PUM3: variants seen among roughly 807,000 people sequenced by gnomAD.
The protein encoded by PUM3 is pumilio homolog 3.
Under a neutral mutation model 84.0 loss-of-function variants are expected in PUM3, and 91 were observed. That is an observed-to-expected ratio of 1.08 (90% CI 0.91 to 1.29). PUM3 has a LOEUF of 1.29. PUM3 is among the 50% of genes most tolerant of loss of function. The probability of loss-of-function intolerance (pLI) is 0.00; values close to 1 mark genes in which losing one functional copy is unlikely to be tolerated. For synonymous variants in PUM3, 321 were observed against 266.7 expected (o/e 1.20, Z -1.98); for missense variants, 1,067 against 767.5 (o/e 1.39, Z -4.61).
chr9:2,815,879 C>T (rs563751605), intron 13 of PUM3, among the ~76,000 whole-genome samples: 101 of 152,298 alleles, frequency 6.6e-4, no homozygotes, highest in African/African-American at 2.3e-3. Context: ...CTAAAGTAGG[C>T]ATGTAAACAA....
chr9:2,808,068 T>C (rs1170457324), intron 16 of PUM3, 164 bp from the exon 17 acceptor site: 5 of 567,376 alleles, frequency 8.8e-6, no homozygotes, highest in Non-Finnish European at 1.6e-5. Context: ...AGTGCAGGTT[T>C]ATCTAATGCA....
chr9:2,816,652 C>T (rs1346755210), intron 13 of PUM3, among the ~76,000 whole-genome samples: 2 of 152,214 alleles, frequency 1.3e-5, no homozygotes, highest in African/African-American at 2.4e-5. Context: ...GTCCCTCCCA[C>T]ATCTCCTTGT....
chr9:2,838,189 C>G (rs1006889998), intron 2 of PUM3, among the ~76,000 whole-genome samples: 5 of 152,144 alleles, frequency 3.3e-5, no homozygotes, highest in Admixed American at 1.3e-4. Context: ...AATGAGGCAA[C>G]AGCAGCAACA....
rs529894471 is a variant in PUM3, at chr9:2,841,490, C to T, written c.-11+2555G>A. Among the ~76,000 whole-genome samples the T allele has an allele frequency of 4.6e-5, 7 of 152,256 alleles. No homozygotes were observed. In the East Asian group the frequency reaches 1.2e-3, roughly 25 times the overall value. On this transcript the variant is annotated intron_variant, in intron 1 of 17. Coordinates refer to ENST00000397885, the MANE Select transcript of PUM3 (RefSeq NM_014878.5). Reference sequence around the variant, plus strand: ...GGCTGAGGCAGGAAAATCACCTGAACCCAGGAGGCAGAGGCTGCAGCGAGC... The same window carrying T: ...GGCTGAGGCAGGAAAATCACCTGAATCCAGGAGGCAGAGGCTGCAGCGAGC...
Position 2,833,359 on chromosome 9 carries a change from T to C in PUM3, c.514A>G (p.Thr172Ala), listed in dbSNP as rs761432772. ...AACAATGAGTATATGCTACTTACAG[T>C]TTTAATTTTCCCTTGAATCAACTTC... ...LQKLIQGKIK[T>A]IAFAHDSTRV... Residue 172 changes from threonine to alanine, a missense_variant and splice_region_variant, in exon 5 of 18, where the codon ACT (threonine) becomes GCT (alanine). Coordinates refer to ENST00000397885, the MANE Select transcript of PUM3 (RefSeq NM_014878.5). 1 of 1,564,838 alleles carries C rather than the reference T, an allele frequency of 6.4e-7. No individual in the cohort carries two copies.
chr9:2,820,021 T>A lies in PUM3; in HGVS notation c.1266A>T (p.Ile422=), dbSNP rs1821554884. The A allele has an allele frequency of 1.9e-6, 3 of 1,600,674 alleles. No individual in the cohort carries two copies. Among genetic ancestry groups the A allele is most frequent in the Non-Finnish European group, 2.6e-6 (3 of 1,168,562 alleles). The change falls in exon 13 of 18, where the codon ATA becomes ATT. Residue 422 remains isoleucine (I), a synonymous_variant. Transcript: ENST00000397885. ...CAAGACCATCAGGATTACTTACTGATATGATTATCTGCTTCACAAGCTTAG... is the reference window on the plus strand; with the variant it reads ...CAAGACCATCAGGATTACTTACTGAAATGATTATCTGCTTCACAAGCTTAG... ...DDTKLVKQII[I]SEIISSLPSI...
At chr9:2,837,116 C>T in intron 3 of PUM3, 64 bp downstream of exon 3, 1 of 1,386,280 alleles carries the variant, frequency 7.2e-7, no homozygotes, top group Non-Finnish European at 1.0e-6. Context: ...TTCTAACGCA[C>T]CTCCAGAGTC....
chr9:2,839,112 T>C (rs1036143763), intron 1 of PUM3, among the ~76,000 whole-genome samples: 3 of 152,182 alleles, frequency 2.0e-5, no homozygotes, highest in South Asian at 2.1e-4. Context: ...GATGTTGAAA[T>C]AGTTAATATT....
intron 13 of PUM3, among the ~76,000 whole-genome samples, chr9:2,815,334 G>C (rs1038700041): frequency 6.6e-6 from 1 of 152,074 alleles, no homozygotes; most frequent in East Asian, 1.9e-4. Context: ...ATACACCTTT[G>C]AAAGAGTACT....
At chr9:2,804,572 C>G in intron 17 of PUM3, 109 bp from the exon 18 acceptor site, 2 of 947,340 alleles carry the variant, frequency 2.1e-6, no homozygotes, top group Non-Finnish European at 1.5e-6. Flanking sequence ...AGCCTTGTAA[C>G]TATATACACA....
At chr9:2,825,779 C>T (rs565341402) in intron 10 of PUM3, among the ~76,000 whole-genome samples, 22 of 152,090 alleles carry the variant, frequency 1.4e-4, no homozygotes, top group African/African-American at 5.1e-4. Context: ...CGTGCCTGGC[C>T]CTATATTTTC....
At chr9:2,838,395 G>A in intron 2 of PUM3, 31 bp downstream of exon 2, 1 of 1,482,116 alleles carries the variant, frequency 6.7e-7, no homozygotes, top group Non-Finnish European at 9.4e-7. Context: ...AATTATAACA[G>A]CCAAACACCC....
At chr9:2,816,695 C>G (rs138997963) in intron 13 of PUM3, among the ~76,000 whole-genome samples, 3 of 152,196 alleles carry the variant, frequency 2.0e-5, no homozygotes, top group African/African-American at 7.2e-5. Flanking sequence ...ATTTACCTAT[C>G]TGGTCAATGA....
rs552658761 is a variant in PUM3 at position 2,804,990 on chromosome 9, C to T, written c.1815-527G>A. Among the ~76,000 whole-genome samples, 56 of 152,270 alleles carry T rather than the reference C, an allele frequency of 3.7e-4. No homozygotes were observed. The South Asian group carries it at 7.7e-3, about 21-fold the overall frequency. On this transcript the variant is annotated intron_variant, in intron 17 of 17. Coordinates refer to ENST00000397885, the MANE Select transcript of PUM3 (RefSeq NM_014878.5). ...ACAGCACTAACATTGAGTGAAAGGG[C>T]GAAGGGCTTCACTGTGGAGCTTCAC...
rs145110184 is a variant in PUM3 at position 2,829,988 on chromosome 9, G to A, written c.678-40C>T. On this transcript the variant is annotated intron_variant, in intron 7 of 17. Coordinates refer to ENST00000397885, the MANE Select transcript of PUM3 (RefSeq NM_014878.5). ...ATCATGGAAAAATAAATGATAGAAGGAGAAAGCTGGGTGACAATAAAACAC... is the reference window on the plus strand; with the variant it reads ...ATCATGGAAAAATAAATGATAGAAGAAGAAAGCTGGGTGACAATAAAACAC... The A allele has an allele frequency of 8.6e-4, 1,339 of 1,562,862 alleles. 9 individuals are homozygous for A. The African/African-American group carries it at 0.014, about 16-fold the overall frequency.
chr9:2,817,277 T>C (rs915742553), intron 13 of PUM3, among the ~76,000 whole-genome samples: 1 of 152,206 alleles, frequency 6.6e-6, no homozygotes, highest in Admixed American at 6.5e-5. Flanking sequence ...AAATAAATGA[T>C]TTAGAATAGG....
intron 13 of PUM3, among the ~76,000 whole-genome samples, chr9:2,818,725 C>A (rs1821523661): frequency 6.6e-6 from 1 of 152,202 alleles, no homozygotes. Context: ...TTTCTTCCCA[C>A]AATCCTATCC....
chr9:2,829,966 A>G lies in PUM3; in HGVS notation c.678-18T>C, dbSNP rs201823775. ...GTTTACTTCTAAACGCAACACAATC[A>G]TGGAAAAATAAATGATAGAAGGAGA... On this transcript the variant is annotated intron_variant, in intron 7 of 17. Transcript: ENST00000397885. 9.4e-6 allele frequency: 15 copies of G among 1,591,524 alleles called. No homozygotes were observed. The Admixed American group carries it at 2.4e-4, about 26-fold the overall frequency.
chr9:2,837,408 A>C lies in PUM3; in HGVS notation c.83-7T>G. On this transcript the variant is annotated splice_region_variant and splice_polypyrimidine_tract_variant and intron_variant, in intron 2 of 17. Coordinates refer to ENST00000397885, the MANE Select transcript of PUM3 (RefSeq NM_014878.5). ...GTCTTTGAAGAACCAGAATCTAGTG[A>C]CAATAATAATTATAAGTTCAATGAT... is the stretch of plus-strand genomic sequence containing the variant. The C allele has an allele frequency of 6.4e-7, 1 of 1,564,346 alleles. No homozygotes were observed. The highest frequency in any genetic ancestry group is 8.8e-7 in the Non-Finnish European group (1 of 1,138,176).
Sources: allele counts gnomAD v4.1 joint callset (sites outside exome capture counted in the v4.1 genomes callset), GRCh38; gene constraint gnomAD v4.1.1; transcripts MANE v1.5; gene names NCBI Gene and HGNC (gene_info 2026-07-23, HGNC 2026-07-21).